Variants in SLC28A1 observed in about 807,000 individuals in gnomAD.
The protein encoded by SLC28A1 is solute carrier family 28 member 1, also known as sodium/nucleoside cotransporter 1.
Under a neutral mutation model 74.8 loss-of-function variants are expected in SLC28A1, and 64 were observed. That is an observed-to-expected ratio of 0.86 (90% CI 0.70 to 1.05). The LOEUF is 1.05. SLC28A1 is among the 50% of genes least tolerant of loss of function. The probability of loss-of-function intolerance (pLI) is 0.00; values close to 1 mark genes in which losing one functional copy is unlikely to be tolerated. For synonymous variants in SLC28A1, 359 were observed against 335.0 expected (o/e 1.07, Z -0.78); for missense variants, 828 against 822.8 (o/e 1.01, Z -0.08).
Position 84,886,254 on chromosome 15 carries a change from A to G in SLC28A1, c.-132-418A>G, listed in dbSNP as rs1395731132. ...CACTGCTTTCCTCATTTTCCAGCACAGGAAAATTGGTTGCTGTTATAATAA... is the reference window on the plus strand; with the variant it reads ...CACTGCTTTCCTCATTTTCCAGCACGGGAAAATTGGTTGCTGTTATAATAA... On this transcript the variant is annotated intron_variant, in intron 1 of 18. Coordinates refer to ENST00000394573, the MANE Select transcript of SLC28A1 (RefSeq NM_004213.5). 3.0e-6 allele frequency: 3 copies of G among 985,290 alleles called. No homozygotes were observed. The South Asian group carries it at 1.4e-4, about 46-fold the overall frequency. 61.0% of individuals were successfully genotyped at this position (985,290 alleles called of 1,614,324 possible).
intron 9 of SLC28A1, among the ~76,000 whole-genome samples, chr15:84,912,790 C>T (rs1245384992): frequency 7.6e-6 from 1 of 131,234 alleles, no homozygotes; most frequent in Non-Finnish European, 1.5e-5. Context: ...TCAACAGTGC[C>T]AAATTTTGCG....
At chr15:84,943,621 C>T in intron 16 of SLC28A1, 95 bp downstream of exon 16, 1 of 1,009,614 alleles carries the variant, frequency 9.9e-7, no homozygotes. Context: ...TTGTCTAAAG[C>T]AGGACCCAAA....
chr15:84,911,571 T>C (rs1227991555), intron 9 of SLC28A1, among the ~76,000 whole-genome samples: 1 of 152,116 alleles, frequency 6.6e-6, no homozygotes, highest in Non-Finnish European at 1.5e-5. Context: ...TTTAAAAATG[T>C]ATCCATTAGG....
At chr15:84,896,777 A>C (rs1015837253) in intron 6 of SLC28A1, among the ~76,000 whole-genome samples, 1 of 152,242 alleles carries the variant, frequency 6.6e-6, no homozygotes, top group African/African-American at 2.4e-5. Context: ...ATACAATAGA[A>C]TATTATTCAG....
intron 7 of SLC28A1, among the ~76,000 whole-genome samples, chr15:84,904,841 C>T (rs998265412): frequency 6.6e-6 from 1 of 151,956 alleles, no homozygotes; most frequent in East Asian, 1.9e-4. Flanking sequence ...CAGGCAGCCA[C>T]GCACCCATTT....
chr15:84,908,522 C>G (rs1967610742), intron 8 of SLC28A1, among the ~76,000 whole-genome samples, 196 bp from the exon 9 acceptor site: 1 of 152,048 alleles, frequency 6.6e-6, no homozygotes, highest in African/African-American at 2.4e-5. Flanking sequence ...AAAGGTGTCT[C>G]TTTGGCAAAT....
chr15:84,896,321 A>G (rs1251691670), intron 6 of SLC28A1, among the ~76,000 whole-genome samples: 1 of 152,242 alleles, frequency 6.6e-6, no homozygotes. Flanking sequence ...GCTTTAGCCA[A>G]AAAGCTCATG....
At chr15:84,899,068 A>G (rs1028054831) in intron 6 of SLC28A1, among the ~76,000 whole-genome samples, 1 of 152,182 alleles carries the variant, frequency 6.6e-6, no homozygotes, top group Non-Finnish European at 1.5e-5. Flanking sequence ...AGAAGAGGGA[A>G]TCATACCTGG....
At chr15:84,903,909 G>A (rs1040255357) in intron 6 of SLC28A1, among the ~76,000 whole-genome samples, 188 bp from the exon 7 acceptor site, 2 of 152,332 alleles carry the variant, frequency 1.3e-5, no homozygotes, top group African/African-American at 4.8e-5. Context: ...TGATCTGCCT[G>A]AGGTCACACA....
At chr15:84,912,808 ACACACAC>A (rs1968515473) in intron 9 of SLC28A1, among the ~76,000 whole-genome samples, 1 of 50,878 alleles carries the variant, frequency 2.0e-5, no homozygotes, top group Admixed American at 2.5e-4. Context: ...GCGCGCGCGC[ACACACAC>A]ACACACACAC....
Position 84,920,703 on chromosome 15 carries a change from G to GGGGT in SLC28A1, c.877-285_877-284insGGTG, listed in dbSNP as rs1555451330. On this transcript the variant is annotated intron_variant, in intron 10 of 18. Transcript: ENST00000394573. ...TAATGTGTATTGGTAATCTCCAAGGGGTGTGTGTGTGTGTGTGTGTGCATT... is the reference window on the plus strand; with the variant it reads ...TAATGTGTATTGGTAATCTCCAAGGGGGGTGTGTGTGTGTGTGTGTGTGTGCATT... 1.2e-4 allele frequency among the ~76,000 whole-genome samples: 16 copies of GGGGT among 137,398 alleles called. 1 individual carries two copies. In the South Asian group the frequency reaches 2.4e-3, roughly 21 times the overall value. 90.1% of individuals were successfully genotyped at this position (137,398 alleles called of 152,430 possible).
intron 10 of SLC28A1, among the ~76,000 whole-genome samples, 172 bp from the exon 11 acceptor site, chr15:84,920,817 A>G: frequency 6.6e-6 from 1 of 152,112 alleles, no homozygotes; most frequent in Non-Finnish European, 1.5e-5. Flanking sequence ...AGCCCCCATC[A>G]ATGAAGGTGT....
intron 15 of SLC28A1, among the ~76,000 whole-genome samples, chr15:84,939,192 C>T (rs890616063): frequency 1.3e-4 from 20 of 152,182 alleles, no homozygotes; most frequent in Admixed American, 1.0e-3. Context: ...TAGTGGTGCA[C>T]GCCTGTGGTC....
chr15:84,942,920 C>T (rs1342547179), intron 15 of SLC28A1, among the ~76,000 whole-genome samples: 2 of 152,146 alleles, frequency 1.3e-5, no homozygotes, highest in African/African-American at 2.4e-5. Flanking sequence ...TGTGGTGGCT[C>T]ACACCTGTAA....
chr15:84,891,951 G>A (rs1317383562), intron 5 of SLC28A1, among the ~76,000 whole-genome samples: 1 of 152,056 alleles, frequency 6.6e-6, no homozygotes, highest in Admixed American at 6.5e-5. Context: ...ATGGAGCAAG[G>A]TCCCCTGGCA....
chr15:84,925,471 G>A (rs888043180), intron 12 of SLC28A1, among the ~76,000 whole-genome samples: 7 of 152,126 alleles, frequency 4.6e-5, no homozygotes, highest in African/African-American at 1.4e-4. Flanking sequence ...GTGGTGGTGG[G>A]TGCTTGTAAT....
At chr15:84,909,975 A>G (rs777680498) in intron 9 of SLC28A1, among the ~76,000 whole-genome samples, 1 of 152,124 alleles carries the variant, frequency 6.6e-6, no homozygotes, top group Non-Finnish European at 1.5e-5. Context: ...TTAGCTATGG[A>G]CTTCTGGGCT....
chr15:84,920,954 T>G (rs1969761783), intron 10 of SLC28A1, 35 bp from the exon 11 acceptor site: 1 of 1,566,236 alleles, frequency 6.4e-7, no homozygotes, highest in Admixed American at 1.7e-5. Context: ...GGTTTGCTGA[T>G]GTCAGCCCAC....
At chr15:84,917,597 C>G (rs1356435139) in intron 9 of SLC28A1, among the ~76,000 whole-genome samples, 2 of 151,554 alleles carry the variant, frequency 1.3e-5, no homozygotes, top group Admixed American at 1.3e-4. Flanking sequence ...TTCTTAAACC[C>G]ACATAACAGC....
Sources: gnomAD v4.1 joint callset for allele counts (sites outside exome capture counted in the v4.1 genomes callset) on GRCh38, gnomAD v4.1.1 for gene constraint, MANE v1.5 for transcripts, NCBI Gene and HGNC (gene_info 2026-07-23, HGNC 2026-07-21) for gene names.